The following ZNF676 variants were observed in gnomAD, a reference collection of about 807,000 sequenced individuals.
The protein encoded by ZNF676 is zinc finger protein 676.
A neutral mutation model predicts 6.0 loss-of-function variants in ZNF676; 4 were observed. The observed-to-expected ratio is 0.67, with a 90% confidence interval of 0.33 to 1.53. The LOEUF (loss-of-function observed/expected upper bound fraction) is 1.53, where lower values mean the gene tolerates loss of function less well. Ranked by LOEUF, ZNF676 falls within the 40% of genes most tolerant of loss-of-function variation. The pLI is 0.06. For synonymous variants in ZNF676, 198 were observed against 223.1 expected (o/e 0.89, Z 1.00); for missense variants, 644 against 679.7 (o/e 0.95, Z 0.58).
chr19:22,232,221 G>A, the ZNF676 span, among the ~76,000 whole-genome samples: 1 of 151,688 alleles, frequency 6.6e-6, no homozygotes, highest in Non-Finnish European at 1.5e-5. Flanking sequence ...AGGCTGGAGT[G>A]CAGTGGTGTG....
chr19:22,181,118 TCA>T lies in ZNF676; in HGVS notation c.597_598del (p.Cys199Ter). ...CTTACTAAAGGCTTTGCCACATTCT[TCA>T]CATTTGTAGGGTTTCTCTCCAGTAT... On this transcript the variant is annotated stop_gained and frameshift_variant, in exon 3 of 3. Coordinates refer to ENST00000397121, the MANE Select transcript of ZNF676 (RefSeq NM_001001411.3). LOFTEE classifies it low-confidence loss of function (END_TRUNC). 6.2e-7 allele frequency: 1 copy of T among 1,613,808 alleles called. No homozygotes were observed. Among genetic ancestry groups the T allele is most frequent in the African/African-American group, 1.3e-5 (1 of 75,054 alleles).
At chr19:22,205,625 C>T (rs1345133728) in intron 1 of ZNF676, among the ~76,000 whole-genome samples, 1 of 152,062 alleles carries the variant, frequency 6.6e-6, no homozygotes, top group Non-Finnish European at 1.5e-5. Context: ...AACAAAAATA[C>T]AACACACCAG....
At chr19:22,223,821 A>C in the ZNF676 span, among the ~76,000 whole-genome samples, 7 of 151,934 alleles carry the variant, frequency 4.6e-5, no homozygotes, top group Non-Finnish European at 1.0e-4. Context: ...CAGAGGCTTT[A>C]ATTATATTCT....
At chr19:22,227,560 A>C in the ZNF676 span, among the ~76,000 whole-genome samples, 2 of 152,154 alleles carry the variant, frequency 1.3e-5, no homozygotes, top group African/African-American at 4.8e-5. Context: ...CAAAAAATTA[A>C]TGATTCCAGG....
the ZNF676 span, among the ~76,000 whole-genome samples, chr19:22,226,746 A>C: frequency 6.6e-6 from 1 of 151,642 alleles, no homozygotes; most frequent in African/African-American, 2.4e-5. Flanking sequence ...ACAGGCACTC[A>C]CCACCATGCC....
At chr19:22,231,717 C>T in the ZNF676 span, among the ~76,000 whole-genome samples, 62 of 151,410 alleles carry the variant, frequency 4.1e-4, no homozygotes, top group African/African-American at 1.4e-3. Context: ...ATTCTCCTGC[C>T]TCAGCCTCCC....
intron 2 of ZNF676, 62 bp from the exon 3 acceptor site, chr19:22,181,648 A>C: frequency 2.4e-6 from 3 of 1,275,484 alleles, no homozygotes; most frequent in Non-Finnish European, 3.1e-6. Context: ...TACAGTTTCC[A>C]AATCTAACCT....
intron 2 of ZNF676, among the ~76,000 whole-genome samples, chr19:22,186,333 G>C (rs1176590773): frequency 6.6e-6 from 1 of 152,188 alleles, no homozygotes; most frequent in Non-Finnish European, 1.5e-5. Flanking sequence ...CAAATGCTGA[G>C]AGATTTTGTC....
At chr19:22,206,690 A>G (rs2024079789) in intron 1 of ZNF676, among the ~76,000 whole-genome samples, 1 of 152,064 alleles carries the variant, frequency 6.6e-6, no homozygotes, top group South Asian at 2.1e-4. Context: ...AAAAAAAGAA[A>G]TCTTCAACAA....
the ZNF676 span, among the ~76,000 whole-genome samples, chr19:22,234,970 A>T: frequency 3.3e-5 from 1 of 30,222 alleles, no homozygotes; most frequent in Non-Finnish European, 6.6e-5. Context: ...AAGAGAAAGA[A>T]AGAAAGAAAG....
chr19:22,217,934 C>T (rs1357593076), upstream of ZNF676, among the ~76,000 whole-genome samples: 1 of 151,568 alleles, frequency 6.6e-6, no homozygotes, highest in Non-Finnish European at 1.5e-5. Flanking sequence ...GAACTCCTGA[C>T]CTCAGGTGAT....
At chr19:22,215,557 C>A (rs2024175822) in intron 1 of ZNF676, 2 of 1,550,908 alleles carry the variant, frequency 1.3e-6, no homozygotes, top group Admixed American at 3.4e-5. Flanking sequence ...AGGCTTGAGT[C>A]CCGCCACAGC....
the ZNF676 span, among the ~76,000 whole-genome samples, chr19:22,227,090 A>T: frequency 6.6e-6 from 1 of 152,180 alleles, no homozygotes; most frequent in Non-Finnish European, 1.5e-5. Context: ...ACTTATTCTA[A>T]AATTGACCAC....
Position 22,179,719 on chromosome 19 carries a change from T to A in ZNF676, c.*231A>T. On this transcript the variant is annotated 3_prime_UTR_variant, in exon 3 of 3. Coordinates refer to ENST00000397121, the MANE Select transcript of ZNF676 (RefSeq NM_001001411.3). ...GCATTTGTAGGGTTTCTCTCCAGTATGAATTCTCTTATGTTCCACAAGGTT... is the reference window on the plus strand; with the variant it reads ...GCATTTGTAGGGTTTCTCTCCAGTAAGAATTCTCTTATGTTCCACAAGGTT... 1 of 747,344 alleles carries A rather than the reference T, an allele frequency of 1.3e-6. No individual in the cohort carries two copies. Among genetic ancestry groups the A allele is most frequent in the Non-Finnish European group, 2.4e-6 (1 of 412,096 alleles). 46.3% of individuals were successfully genotyped at this position (747,344 alleles called of 1,614,324 possible).
intron 1 of ZNF676, among the ~76,000 whole-genome samples, chr19:22,205,785 C>A (rs2024070774): frequency 6.6e-6 from 1 of 151,736 alleles, no homozygotes; most frequent in Non-Finnish European, 1.5e-5. Context: ...CCTAAGCTAG[C>A]AAAAGACAAG....
rs761405736 is a variant in ZNF676 at position 22,181,239 on chromosome 19, C to T, written c.478G>A (p.Glu160Lys). 8.7e-6 allele frequency: 14 copies of T among 1,613,776 alleles called. No individual in the cohort carries two copies. The South Asian group carries it at 1.4e-4, about 16-fold the overall frequency. ...FCMLSHLSQH[E>K]RIYTRENSYK... ...GAATTCTCTCTAGTATAAATTCTTT[C>T]ATGTTGAGATAGGTGTGAAAGCATG... Residue 160 changes from glutamate (E) to lysine (K), a missense_variant, in exon 3 of 3, where the codon GAA (glutamate) becomes AAA (lysine). Coordinates refer to ENST00000397121, the MANE Select transcript of ZNF676 (RefSeq NM_001001411.3).
rs1360246600 is a variant in ZNF676 at position 22,180,630 on chromosome 19, T to A, written c.1087A>T (p.Lys363Ter). The change falls in exon 3 of 3, where the codon AAA becomes TAA. Residue 363 changes from lysine (K) to a stop codon, truncating the protein, a stop_gained. Transcript: ENST00000397121. LOFTEE classifies it low-confidence loss of function (END_TRUNC). The part of the protein sequence containing the change: ...TKHKIIHTGE[K>*]PYKCEGCGKA... Reference sequence around the variant, plus strand: ...CCACATCCTTCACATTTGTAGGGTTTCTCTCCAGTATGAATAATCTTATGT... The same window carrying A: ...CCACATCCTTCACATTTGTAGGGTTACTCTCCAGTATGAATAATCTTATGT... 3 of 1,612,862 alleles carry A rather than the reference T, an allele frequency of 1.9e-6. No individual in the cohort carries two copies. The highest frequency in any genetic ancestry group is 1.1e-5 in the South Asian group (1 of 90,966).
At chr19:22,190,170 A>G (rs776088103) in intron 2 of ZNF676, among the ~76,000 whole-genome samples, 16 of 152,176 alleles carry the variant, frequency 1.1e-4, no homozygotes, top group Non-Finnish European at 2.1e-4. Flanking sequence ...GTACATATAC[A>G]CCATGGAATA....
At chr19:22,232,228 T>C in the ZNF676 span, among the ~76,000 whole-genome samples, 1 of 151,970 alleles carries the variant, frequency 6.6e-6, no homozygotes, top group Admixed American at 6.6e-5. Flanking sequence ...AGTGCAGTGG[T>C]GTGATCTTGG....
Sources: allele counts gnomAD v4.1 joint callset (sites outside exome capture counted in the v4.1 genomes callset), GRCh38; gene constraint gnomAD v4.1.1; transcripts MANE v1.5; gene names NCBI Gene and HGNC (gene_info 2026-07-23, HGNC 2026-07-21).